Variants in SLC71A2 observed in about 807,000 individuals in gnomAD.
SLC71A2 encodes solute carrier family 71 member 2.
At chr9:94,446,964 C>A in the SLC71A2 span, 1 of 1,049,768 alleles carries the variant, frequency 9.5e-7, no homozygotes, top group Non-Finnish European at 1.5e-6. Context: ...AGTAGCCTTT[C>A]AATACCAGGA....
At chr9:94,442,970 A>C in the SLC71A2 span, among the ~76,000 whole-genome samples, 1 of 152,322 alleles carries the variant, frequency 6.6e-6, no homozygotes, top group East Asian at 1.9e-4. Flanking sequence ...AGGCTTGGCC[A>C]ACAGAGTAGT....
chr9:94,442,331 T>C, the SLC71A2 span, among the ~76,000 whole-genome samples: 1 of 152,326 alleles, frequency 6.6e-6, no homozygotes, highest in Admixed American at 6.5e-5. Context: ...ACTTGTTGAC[T>C]TTAGACATCA....
At chr9:94,422,320 A>G in the SLC71A2 span, among the ~76,000 whole-genome samples, 5 of 152,054 alleles carry the variant, frequency 3.3e-5, no homozygotes, top group African/African-American at 1.2e-4. Flanking sequence ...TTTTGCTGTA[A>G]TAAACTGTAA....
chr9:94,438,213 C>T, the SLC71A2 span, among the ~76,000 whole-genome samples: 1 of 152,208 alleles, frequency 6.6e-6, no homozygotes, highest in Non-Finnish European at 1.5e-5. Context: ...GCTGGGATTA[C>T]AGGCATGAGC....
At chr9:94,401,985 A>T in the SLC71A2 span, among the ~76,000 whole-genome samples, 1 of 152,196 alleles carries the variant, frequency 6.6e-6, no homozygotes, top group Non-Finnish European at 1.5e-5. Flanking sequence ...TGACGTTGCC[A>T]TGACATTTGT....
chr9:94,448,971 G>T, the SLC71A2 span, among the ~76,000 whole-genome samples: 1 of 152,198 alleles, frequency 6.6e-6, no homozygotes, highest in South Asian at 2.1e-4. Context: ...TTTGGTGGTT[G>T]TATGCTAGAG....
chr9:94,446,956 T>TA, the SLC71A2 span: 1 of 1,175,316 alleles, frequency 8.5e-7, no homozygotes, highest in Non-Finnish European at 1.3e-6. Flanking sequence ...GAGTGGCTAG[T>TA]AGCCTTTCAA....
chr9:94,397,386 CAGG>C, the SLC71A2 span, among the ~76,000 whole-genome samples: 2 of 151,698 alleles, frequency 1.3e-5, no homozygotes, highest in East Asian at 3.9e-4. Context: ...CACTTGAGAC[CAGG>C]AGTTCAAGAC....
the SLC71A2 span, among the ~76,000 whole-genome samples, chr9:94,384,487 G>A: frequency 3.9e-5 from 6 of 151,958 alleles, no homozygotes; most frequent in South Asian, 2.1e-4. Context: ...GTACAGGCGC[G>A]CACGAGCAGG....
the SLC71A2 span, among the ~76,000 whole-genome samples, chr9:94,393,761 ATTGTTGCTGCTG>A: frequency 2.1e-5 from 3 of 145,040 alleles, no homozygotes; most frequent in South Asian, 6.9e-4. Flanking sequence ...TGTTGCTGCT[ATTGTTGCTGCTG>A]TTATAGGATA....
chr9:94,391,197 CAA>C, the SLC71A2 span, among the ~76,000 whole-genome samples: 4 of 59,066 alleles, frequency 6.8e-5, no homozygotes, highest in East Asian at 4.8e-4. Flanking sequence ...ATGTCTCTAC[CAA>C]AAAAAAAAAA....
chr9:94,401,369 T>C, the SLC71A2 span, among the ~76,000 whole-genome samples: 2 of 152,310 alleles, frequency 1.3e-5, no homozygotes, highest in African/African-American at 4.8e-5. Flanking sequence ...AGATGGGGTT[T>C]CACCGTGTTG....
the SLC71A2 span, among the ~76,000 whole-genome samples, chr9:94,417,627 CA>C: frequency 1.3e-5 from 2 of 152,180 alleles, no homozygotes; most frequent in East Asian, 3.9e-4. Context: ...AACTCTTTCT[CA>C]AAAACAAACA....
the SLC71A2 span, among the ~76,000 whole-genome samples, chr9:94,442,111 A>T: frequency 6.6e-6 from 1 of 152,200 alleles, no homozygotes; most frequent in African/African-American, 2.4e-5. Flanking sequence ...TGGAAGAAGA[A>T]AGATGATCTG....
At chr9:94,454,136 T>G in the SLC71A2 span, 1 of 1,120,266 alleles carries the variant, frequency 8.9e-7, no homozygotes, top group Admixed American at 1.7e-5. Flanking sequence ...CTTGGGGTGG[T>G]TGGGTGTGAT....
At chr9:94,437,642 T>C in the SLC71A2 span, among the ~76,000 whole-genome samples, 1 of 151,048 alleles carries the variant, frequency 6.6e-6, no homozygotes, top group Non-Finnish European at 1.5e-5. Flanking sequence ...TCCTCTTCTT[T>C]ATCCCTGTGA....
the SLC71A2 span, among the ~76,000 whole-genome samples, chr9:94,393,665 A>G: frequency 7.0e-6 from 1 of 142,722 alleles, no homozygotes; most frequent in Admixed American, 7.2e-5. Context: ...TCGGGATAAT[A>G]ATAGTTCCTA....
the SLC71A2 span, among the ~76,000 whole-genome samples, chr9:94,410,733 A>G: frequency 3.6e-4 from 55 of 152,154 alleles, no homozygotes; most frequent in Non-Finnish European, 4.9e-4. Context: ...ATAAAATTAA[A>G]TAACCATTAA....
At chr9:94,413,681 A>T in the SLC71A2 span, among the ~76,000 whole-genome samples, 1 of 146,134 alleles carries the variant, frequency 6.8e-6, no homozygotes, top group African/African-American at 2.5e-5. Context: ...AAAAAAAGCT[A>T]ATTAAGAAAC....
Sources: allele counts gnomAD v4.1 joint callset (sites outside exome capture counted in the v4.1 genomes callset), GRCh38; gene constraint gnomAD v4.1.1; transcripts MANE v1.5; gene names NCBI Gene and HGNC (gene_info 2026-07-23, HGNC 2026-07-21).